RTL1: variants seen among roughly 807,000 people sequenced by gnomAD.
RTL1 encodes the protein retrotransposon Gag like 1.
For synonymous variants in RTL1, 727 were observed against 748.4 expected (o/e 0.97, Z 0.47); for missense variants, 1,681 against 1,767.5 (o/e 0.95, Z 0.88).
At chr14:100,884,938 A>G (rs2038677144) in intron 3 of RTL1, 64 bp from the exon 4 acceptor site, 2 of 684,254 alleles carry the variant, frequency 2.9e-6, no homozygotes, top group Admixed American at 3.3e-5. Context: ...AAGTGGCAGT[A>G]TCAGGGTCTC....
Position 100,889,046 on chromosome 14 carries a change from A to C in RTL1, c.-86-4172T>G, listed in dbSNP as rs569174417. 3.3e-5 allele frequency among the ~76,000 whole-genome samples: 5 copies of C among 152,344 alleles called. No individual in the cohort carries two copies. In the East Asian group the frequency reaches 9.6e-4, roughly 29 times the overall value. Reference sequence around the variant, plus strand: ...AATATATTTTATCATGTTTTTCTGCATACTTATCTCCCACAAACAAGAATC... The same window carrying C: ...AATATATTTTATCATGTTTTTCTGCCTACTTATCTCCCACAAACAAGAATC... On this transcript the variant is annotated intron_variant, in intron 3 of 3. Coordinates refer to ENST00000649591, the MANE Select transcript of RTL1 (RefSeq NM_001134888.3).
chr14:100,890,195 C>T (rs1208873970), intron 3 of RTL1, among the ~76,000 whole-genome samples: 1 of 151,908 alleles, frequency 6.6e-6, no homozygotes, highest in Non-Finnish European at 1.5e-5. Flanking sequence ...GACGCCCCAG[C>T]CTCACCACCT....
intron 2 of RTL1, chr14:100,897,846 C>G (rs753518670): frequency 8.8e-6 from 3 of 341,898 alleles, no homozygotes; most frequent in South Asian, 7.2e-5. Flanking sequence ...GGGGAGTGGG[C>G]TCACGAGTGT....
intron 3 of RTL1, among the ~76,000 whole-genome samples, chr14:100,890,350 C>G (rs2038756127): frequency 6.6e-6 from 1 of 151,252 alleles, no homozygotes; most frequent in Admixed American, 6.6e-5. Context: ...AAATACCTCT[C>G]TCTGTCAGCT....
rs1267459975 is a variant in RTL1 at position 100,881,361 on chromosome 14, G to T, written c.3428C>A (p.Thr1143Asn). Residue 1143 changes from threonine to asparagine, a missense_variant, in exon 4 of 4, where the codon ACC becomes AAC. Physicochemically the swap from Thr to Asn is moderately conservative, Grantham distance 65. Transcript: ENST00000649591. This position sits in a 1 kb window ranked among gnomAD's most constrained non-coding sequence, Gnocchi z 6.6. ...AGCGGGCATCTGGGTGAGCAGCTGG[G>T]TGATGGCTGTCGTGATGCTGCTGCC... ...IAGSSITTAI[T>N]QLLTQMPALV... 4 of 1,550,656 alleles carry T rather than the reference G, an allele frequency of 2.6e-6. No individual in the cohort carries two copies. Among genetic ancestry groups the T allele is most frequent in the Admixed American group, 2.0e-5 (1 of 51,010 alleles).
rs1027318962 is a variant in RTL1, at chr14:100,903,298, G to A, written c.-156C>T. Among the ~76,000 whole-genome samples, 4 of 152,034 alleles carry A rather than the reference G, an allele frequency of 2.6e-5. No homozygotes were observed. Among genetic ancestry groups the A allele is most frequent in the Admixed American group, 1.3e-4 (2 of 15,258 alleles). Reference sequence around the variant, plus strand: ...CCACCACAGTGTACCTACCTTCCCCGGGCCCAGTCCCAAGCGTGAGGCTGG... The same window carrying A: ...CCACCACAGTGTACCTACCTTCCCCAGGCCCAGTCCCAAGCGTGAGGCTGG... On this transcript the variant is annotated 5_prime_UTR_variant, in exon 2 of 4. Transcript: ENST00000649591.
intron 2 of RTL1, among the ~76,000 whole-genome samples, chr14:100,902,751 T>C (rs932958582): frequency 2.0e-5 from 3 of 152,218 alleles, no homozygotes; most frequent in Non-Finnish European, 2.9e-5. Context: ...CCCTGTGAAA[T>C]GGAGATGAGA....
rs1456229456 is a variant in RTL1 at position 100,881,656 on chromosome 14, T to G, written c.3133A>C (p.Ile1045Leu). The part of the protein sequence containing the change: ...NEEQDELNEQ[I>L]LRQELLAMIP... Reference sequence around the variant, plus strand: ...ATGGCCAGCAGCTCTTGCCGTAGGATCTGTTCATTGAGCTCATCCTGTTCT... The same window carrying G: ...ATGGCCAGCAGCTCTTGCCGTAGGAGCTGTTCATTGAGCTCATCCTGTTCT... Residue 1045 changes from isoleucine (I) to leucine (L), a missense_variant, in exon 4 of 4, where the codon ATC (isoleucine) becomes CTC (leucine). Transcript: ENST00000649591. This position sits in a 1 kb window ranked among gnomAD's most constrained non-coding sequence, Gnocchi z 6.6. 3.0e-5 allele frequency: 47 copies of G among 1,552,402 alleles called. No individual in the cohort carries two copies. The highest frequency in any genetic ancestry group is 4.1e-5 in the Non-Finnish European group (47 of 1,147,376).
chr14:100,900,989 C>G lies in RTL1; in HGVS notation c.-149+2302G>C, dbSNP rs150394946. On this transcript the variant is annotated intron_variant, in intron 2 of 3. Transcript: ENST00000649591. ...GAAGGGCTTGCAGTGCCTAACTGAGCTGCCAGGGCCGTCTGTCTGTCTGTT... is the reference window on the plus strand; with the variant it reads ...GAAGGGCTTGCAGTGCCTAACTGAGGTGCCAGGGCCGTCTGTCTGTCTGTT... Among the ~76,000 whole-genome samples, 262 of 152,244 alleles carry G rather than the reference C, an allele frequency of 1.7e-3. 4 individuals carry two copies. The East Asian group carries it at 0.044, about 26-fold the overall frequency.
intron 3 of RTL1, among the ~76,000 whole-genome samples, chr14:100,889,124 G>A (rs1026272335): frequency 6.6e-6 from 1 of 152,174 alleles, no homozygotes; most frequent in African/African-American, 2.4e-5. Context: ...TCCTTAGCAT[G>A]ATATAAAACT....
chr14:100,887,995 A>G (rs1297510337), intron 3 of RTL1, among the ~76,000 whole-genome samples: 1 of 152,180 alleles, frequency 6.6e-6, no homozygotes, highest in Admixed American at 6.5e-5. Context: ...ATGCTTATTC[A>G]TTATCTGGTT....
At position 100,880,583 on chromosome 14, in the gene RTL1, G is replaced by A. The variant is rs2038592492; in HGVS notation, c.*129C>T. Reference sequence around the variant, plus strand: ...AAGAAGTTGTTGCCCTTCACAAGTGGGTTCCTCTTGGGTCAGGAGTGGCAG... The same window carrying A: ...AAGAAGTTGTTGCCCTTCACAAGTGAGTTCCTCTTGGGTCAGGAGTGGCAG... On this transcript the variant is annotated 3_prime_UTR_variant, in exon 4 of 4. Coordinates refer to ENST00000649591, the MANE Select transcript of RTL1 (RefSeq NM_001134888.3). 1 of 1,468,252 alleles carries A rather than the reference G, an allele frequency of 6.8e-7. No individual in the cohort carries two copies. The highest frequency in any genetic ancestry group is 1.4e-5 in the African/African-American group (1 of 70,612). 91.0% of individuals were successfully genotyped at this position (1,468,252 alleles called of 1,614,324 possible).
At position 100,883,178 on chromosome 14, in the gene RTL1, C is replaced by G. The variant is rs1291867786; in HGVS notation, c.1611G>C (p.Pro537=). 1 of 1,576,358 alleles carries G rather than the reference C, an allele frequency of 6.3e-7. No individual in the cohort carries two copies. Among genetic ancestry groups the G allele is most frequent in the Non-Finnish European group, 8.6e-7 (1 of 1,158,154 alleles). Residue 537 remains proline, a synonymous_variant, in exon 4 of 4, where the codon CCG becomes CCC. Transcript: ENST00000649591. This position sits in a 1 kb window ranked among gnomAD's most constrained non-coding sequence, Gnocchi z 5.9. ...TCTCTAGGGCAATGCATGGCGGGGG[C>G]GGGCGGAAGCAGTTCTTCAGGCAGT... is the stretch of plus-strand genomic sequence containing the variant. The part of the protein sequence containing the change: ...SPYCLKNCFR[P]PPPCIALERH...
intron 2 of RTL1, among the ~76,000 whole-genome samples, chr14:100,896,532 T>C (rs2038858208): frequency 6.6e-6 from 1 of 151,832 alleles, no homozygotes; most frequent in South Asian, 2.1e-4. Flanking sequence ...CTGTGCCTGT[T>C]TGAGGATTCC....
chr14:100,882,979 T>C lies in RTL1; in HGVS notation c.1810A>G (p.Ser604Gly), dbSNP rs1252032632. The C allele has an allele frequency of 1.9e-6, 3 of 1,614,116 alleles. No individual in the cohort carries two copies. In the African/African-American group the frequency reaches 4.0e-5, roughly 22 times the overall value. ...GAGGGACACTCGTAAAAGGTCTCGCTGTGATCACTGTCTCCAGCCTGCTGA... is the reference window on the plus strand; with the variant it reads ...GAGGGACACTCGTAAAAGGTCTCGCCGTGATCACTGTCTCCAGCCTGCTGA... ...ELQQAGDSDHSETFYECPSTA... is the reference protein window; with the variant it reads ...ELQQAGDSDHGETFYECPSTA... The change falls in exon 4 of 4, where the codon AGC (serine) becomes GGC (glycine). Residue 604 changes from serine to glycine, a missense_variant. Physicochemically the swap from Ser to Gly is moderately conservative, Grantham distance 56. Transcript: ENST00000649591.
In RTL1 at chr14:100,884,186, G is replaced by A. The variant is rs890386889; in HGVS notation, c.603C>T (p.Pro201=). The A allele has an allele frequency of 7.7e-5, 120 of 1,551,584 alleles. 1 individual carries two copies. The East Asian group carries it at 2.7e-3, about 35-fold the overall frequency. The part of the protein sequence containing the change: ...LIKGINAGQL[P]APKHFSGDRR... ...GATCGCCAGAGAAGTGCTTTGGGGC[G>A]GGCAGTTGGCCTGCATTGATCCCTT... is the stretch of plus-strand genomic sequence containing the variant. Residue 201 remains proline (P), a synonymous_variant, in exon 4 of 4, where the codon CCC becomes CCT. Coordinates refer to ENST00000649591, the MANE Select transcript of RTL1 (RefSeq NM_001134888.3).
intron 3 of RTL1, among the ~76,000 whole-genome samples, chr14:100,886,695 C>CTAAT (rs200704625): frequency 0.016 from 2,353 of 151,726 alleles, 60 homozygotes; most frequent in African/African-American, 0.054. Context: ...TTCCAAACCT[C>CTAAT]TAATATAAAA....
Position 100,884,355 on chromosome 14 carries a change from C to T in RTL1, c.434G>A (p.Gly145Glu). 1 of 1,558,398 alleles carries T rather than the reference C, an allele frequency of 6.4e-7. No individual in the cohort carries two copies. Residue 145 changes from glycine (G) to glutamate (E), a missense_variant, in exon 4 of 4, where the codon GGA becomes GAA. Gly to Glu is a moderately conservative substitution (Grantham distance 98). Transcript: ENST00000649591. ...QEAHTDLKESGREETPQEQNQ... is the reference protein window; with the variant it reads ...QEAHTDLKESEREETPQEQNQ... The stretch of plus-strand genomic sequence containing the variant: ...TTGCTCTTGAGGAGTCTCCTCCCTT[C>T]CCGATTCCTTCAGGTCAGTGTGAGC...
chr14:100,879,857 G>A lies in RTL1; in HGVS notation c.*855C>T, dbSNP rs1022898489. Among the ~76,000 whole-genome samples, 4 of 151,948 alleles carry A rather than the reference G, an allele frequency of 2.6e-5. No homozygotes were observed. The highest frequency in any genetic ancestry group is 4.4e-5 in the Non-Finnish European group (3 of 67,980). ...CCCTTGCAAAGCGGTGGTGTGGCCA[G>A]AGCCTCTCTGTGACTCGGCATGGTC... On this transcript the variant is annotated 3_prime_UTR_variant, in exon 4 of 4. Coordinates refer to ENST00000649591, the MANE Select transcript of RTL1 (RefSeq NM_001134888.3).
Sources: allele counts gnomAD v4.1 joint callset (sites outside exome capture counted in the v4.1 genomes callset), GRCh38; gene constraint gnomAD v4.1.1; non-coding constraint Gnocchi (gnomAD v3.1); transcripts MANE v1.5; gene names NCBI Gene and HGNC (gene_info 2026-07-23, HGNC 2026-07-21).